The following JMJD1C variants were observed in gnomAD, a reference collection of about 807,000 sequenced individuals.
The protein encoded by JMJD1C is jumonji domain containing 1C, also known as jumonji domain-containing protein 1C.
JMJD1C carries 31 observed loss-of-function variants against 245.3 expected under a neutral mutation model. The observed-to-expected ratio is 0.13, with a 90% CI of 0.09 to 0.17. The LOEUF (loss-of-function observed/expected upper bound fraction) is 0.17, where lower values mean the gene tolerates loss of function less well. JMJD1C is among the 10% of genes least tolerant of loss of function. The pLI, the probability that JMJD1C is intolerant of heterozygous loss-of-function variation, is 1.00. For synonymous variants in JMJD1C, 1,057 were observed against 1,017.4 expected, an observed-to-expected ratio of 1.04 and a Z score of -0.74; for missense variants, 2,691 against 3,000.2, an observed-to-expected ratio of 0.90 and a Z score of 2.41.
chr10:63,252,823 T>G (rs917902034), intron 3 of JMJD1C, among the ~76,000 whole-genome samples: 1 of 152,258 alleles, frequency 6.6e-6, no homozygotes, highest in Non-Finnish European at 1.5e-5. Flanking sequence ...ACTTCTGGCA[T>G]GTTGCTGTAA....
Position 63,193,403 on chromosome 10 carries a change from CAAT to C in JMJD1C, c.5801_5803del (p.His1934_Cys1935delinsArg). On this transcript the variant is annotated inframe_deletion, in exon 15 of 26. Transcript: ENST00000399262. ...AACTTGTAAATTCTGTTTGTTAGTA[CAAT>C]GACAATGGGATTTAATACCATATTT... 6.2e-7 allele frequency: 1 copy of C among 1,602,126 alleles called. No homozygotes were observed. Among genetic ancestry groups the C allele is most frequent in the South Asian group, 1.1e-5 (1 of 89,972 alleles).
Position 63,206,844 on chromosome 10 carries a change from T to C in JMJD1C, c.4825A>G (p.Lys1609Glu), listed in dbSNP as rs189704160. Residue 1609 changes from lysine to glutamate, a missense_variant, in exon 10 of 26, where the codon AAA (lysine) becomes GAA (glutamate). This residue lies in a region of JMJD1C where 144 missense variants were observed against 143.3 expected (regional missense o/e 1.00). Transcript: ENST00000399262. ...DSKIIVDKYVKDDKVNRRKAK... is the reference protein window; with the variant it reads ...DSKIIVDKYVEDDKVNRRKAK... The stretch of plus-strand genomic sequence containing the variant: ...TTTCTCCTGTTGACTTTATCATCTT[T>C]TACATATTTATCAACTATGATCTTA... The C allele has an allele frequency of 3.6e-5, 57 of 1,601,564 alleles. No homozygotes were observed. Among genetic ancestry groups the C allele is most frequent in the Admixed American group, 1.9e-4 (11 of 57,380 alleles).
chr10:63,413,124 CA>C (rs1949583795), intron 1 of JMJD1C, among the ~76,000 whole-genome samples: 1 of 152,080 alleles, frequency 6.6e-6, no homozygotes, highest in Non-Finnish European at 1.5e-5. Flanking sequence ...CCATTTTAAT[CA>C]GGCAGACAAA....
intron 2 of JMJD1C, among the ~76,000 whole-genome samples, chr10:63,350,077 T>C (rs541899311): frequency 6.6e-6 from 1 of 152,320 alleles, no homozygotes; most frequent in South Asian, 2.1e-4. Context: ...AAGATTTTAA[T>C]ATATTATTCA....
At chr10:63,387,779 G>T (rs1168495421) in intron 1 of JMJD1C, among the ~76,000 whole-genome samples, 2 of 151,246 alleles carry the variant, frequency 1.3e-5, no homozygotes, top group African/African-American at 4.9e-5. Context: ...GGGACTACAG[G>T]TGCCCACCAC....
chr10:63,476,797 G>C (rs1175063822), intron 1 of JMJD1C, among the ~76,000 whole-genome samples: 1 of 152,132 alleles, frequency 6.6e-6, no homozygotes, highest in African/African-American at 2.4e-5. Context: ...AGGCATGGTG[G>C]CTCACACCTG....
intron 1 of JMJD1C, among the ~76,000 whole-genome samples, chr10:63,474,078 A>G (rs187323650): frequency 6.6e-6 from 1 of 151,292 alleles, no homozygotes; most frequent in African/African-American, 2.4e-5. Flanking sequence ...ATAAATACAC[A>G]CTTGGTACAC....
chr10:63,473,698 A>G (rs1953566142), intron 1 of JMJD1C, among the ~76,000 whole-genome samples: 1 of 152,162 alleles, frequency 6.6e-6, no homozygotes, highest in South Asian at 2.1e-4. Flanking sequence ...ATTTATGTAT[A>G]TCTGGTAAAT....
chr10:63,249,705 C>T (rs929424964), intron 3 of JMJD1C, among the ~76,000 whole-genome samples: 1 of 151,788 alleles, frequency 6.6e-6, no homozygotes, highest in Non-Finnish European at 1.5e-5. Flanking sequence ...CTAAAAAATA[C>T]AAAAATTAGC....
chr10:63,295,492 GGCT>G (rs1416462867), intron 2 of JMJD1C, among the ~76,000 whole-genome samples: 1 of 152,062 alleles, frequency 6.6e-6, no homozygotes, highest in Non-Finnish European at 1.5e-5. Flanking sequence ...TGTCTTCATT[GGCT>G]GCTTTCTTGC....
At chr10:63,317,196 GTCTTC>G (rs1014608884) in intron 2 of JMJD1C, among the ~76,000 whole-genome samples, 3 of 150,946 alleles carry the variant, frequency 2.0e-5, no homozygotes, top group South Asian at 2.2e-4. Flanking sequence ...GAACATTTAA[GTCTTC>G]TCTTCTATTT....
upstream of JMJD1C, among the ~76,000 whole-genome samples, chr10:63,467,006 AT>A (rs1953318624): frequency 8.3e-6 from 1 of 121,054 alleles, no homozygotes; most frequent in Non-Finnish European, 1.9e-5. Context: ...CTGAACCTCT[AT>A]TTAAAAAAAA....
At chr10:63,379,895 T>C (rs754623009) in intron 2 of JMJD1C, among the ~76,000 whole-genome samples, 5 of 152,192 alleles carry the variant, frequency 3.3e-5, no homozygotes, top group Non-Finnish European at 7.3e-5. Flanking sequence ...ATCAGTAAGA[T>C]GAATCTAAAC....
chr10:63,325,401 G>T (rs1029515297), intron 2 of JMJD1C, among the ~76,000 whole-genome samples: 1 of 152,082 alleles, frequency 6.6e-6, no homozygotes. Flanking sequence ...AGTGCTGTGA[G>T]GAGATCACAG....
intron 2 of JMJD1C, among the ~76,000 whole-genome samples, chr10:63,311,829 C>T (rs1056578500): frequency 1.3e-5 from 2 of 152,056 alleles, no homozygotes; most frequent in Non-Finnish European, 2.9e-5. Flanking sequence ...ACTTTTATTT[C>T]AAGTAGAAAT....
At chr10:63,455,113 A>G (rs1274687229) in intron 1 of JMJD1C, among the ~76,000 whole-genome samples, 1 of 152,222 alleles carries the variant, frequency 6.6e-6, no homozygotes, top group African/African-American at 2.4e-5. Flanking sequence ...TAAGAAATTA[A>G]CAAAAATGGT....
At chr10:63,246,476 A>T (rs755393394) in intron 3 of JMJD1C, among the ~76,000 whole-genome samples, 2 of 152,166 alleles carry the variant, frequency 1.3e-5, no homozygotes, top group Admixed American at 6.5e-5. Context: ...ATGCAAGAAT[A>T]CTGTCTCTAG....
intron 1 of JMJD1C, among the ~76,000 whole-genome samples, chr10:63,453,825 G>A (rs771122925): frequency 3.9e-5 from 6 of 152,202 alleles, no homozygotes; most frequent in South Asian, 2.1e-4. Flanking sequence ...TGCAACCTCC[G>A]CCTCCTAGGT....
intron 2 of JMJD1C, among the ~76,000 whole-genome samples, chr10:63,271,842 T>A (rs1428372729): frequency 6.6e-6 from 1 of 151,998 alleles, no homozygotes; most frequent in African/African-American, 2.4e-5. Flanking sequence ...CCGGGATCAG[T>A]GGTGGGTGGA....
Sources: allele counts gnomAD v4.1 joint callset (sites outside exome capture counted in the v4.1 genomes callset), GRCh38; gene constraint gnomAD v4.1.1; regional missense constraint gnomAD v4.1.1; transcripts MANE v1.5; gene names NCBI Gene and HGNC (gene_info 2026-07-23, HGNC 2026-07-21).